The following DENND11 variants were observed in gnomAD, a reference collection of about 807,000 sequenced individuals.
DENND11 encodes the protein DENN domain containing 11, also known as DENN domain-containing protein 11.
In DENND11, 34 loss-of-function variants were observed where a neutral mutation model predicts 49.2. The ratio of observed to expected loss-of-function variants is 0.69; its 90% CI spans 0.53 to 0.92. DENND11 has a LOEUF of 0.92. Ranked by LOEUF, DENND11 falls within the 40% of genes least tolerant of loss-of-function variation. The pLI, the probability that DENND11 is intolerant of heterozygous loss-of-function variation, is 0.00. For synonymous variants in DENND11, 238 were observed against 230.3 expected (o/e 1.03, Z -0.30); for missense variants, 475 against 581.6 (o/e 0.82, Z 1.88).
intron 1 of DENND11, among the ~76,000 whole-genome samples, chr7:141,690,404 C>T (rs1038589300): frequency 2.0e-5 from 3 of 152,196 alleles, no homozygotes; most frequent in African/African-American, 7.2e-5. Flanking sequence ...TCCTCCTCCT[C>T]CTCTTGTTCA....
chr7:141,664,129 G>C (rs1797848112), intron 8 of DENND11, 43 bp downstream of exon 8: 1 of 1,473,986 alleles, frequency 6.8e-7, no homozygotes, highest in Non-Finnish European at 9.3e-7. Flanking sequence ...CAGTGCCGAA[G>C]GGATCCTCAG....
Position 141,658,767 on chromosome 7 carries a change from C to T in DENND11, c.*3889G>A, listed in dbSNP as rs1007643523. 2.0e-5 allele frequency: 3 copies of T among 152,174 alleles called. No individual in the cohort carries two copies. The highest frequency in any genetic ancestry group is 7.2e-5 in the African/African-American group (3 of 41,384). The allele number at this position is 152,174 out of a possible 1,614,324, so 9.4% of individuals were successfully genotyped here. ...TTTCGAAGGGAAATAAATGGTCCCT[C>T]GGGTTTCTGCCTTTTCTCGGAGGGT... On this transcript the variant is annotated 3_prime_UTR_variant, in exon 9 of 9. Coordinates refer to ENST00000536163, the MANE Select transcript of DENND11 (RefSeq NM_001080392.2).
rs954871173 is a variant in DENND11 at position 141,695,253 on chromosome 7, C to T, written c.268+6633G>A. 4.0e-5 allele frequency among the ~76,000 whole-genome samples: 6 copies of T among 151,872 alleles called. 1 individual carries two copies. The highest frequency in any genetic ancestry group is 4.1e-4 in the South Asian group (2 of 4,824). On this transcript the variant is annotated intron_variant, in intron 1 of 8. Coordinates refer to ENST00000536163, the MANE Select transcript of DENND11 (RefSeq NM_001080392.2). ...GCAAATGGGGCAAAATGTCAATAAA[C>T]GGGGACTCTAAGTGAAAGACATACA...
chr7:141,677,402 A>AATAC (rs1798076195), intron 3 of DENND11, among the ~76,000 whole-genome samples: 1 of 75,886 alleles, frequency 1.3e-5, no homozygotes, highest in African/African-American at 3.9e-5. Flanking sequence ...AAAAAAAAAA[A>AATAC]ATATATATAT....
intron 3 of DENND11, among the ~76,000 whole-genome samples, chr7:141,683,601 C>T (rs972937574): frequency 5.3e-5 from 8 of 152,204 alleles, no homozygotes; most frequent in Admixed American, 6.5e-5. Flanking sequence ...CAAGATCACA[C>T]CACTGCCCTC....
chr7:141,677,151 C>T (rs899535526), intron 3 of DENND11, among the ~76,000 whole-genome samples: 2 of 151,968 alleles, frequency 1.3e-5, no homozygotes, highest in African/African-American at 2.4e-5. Context: ...ACAGGCCGGG[C>T]GTGGTGGCTC....
chr7:141,675,754 A>T (rs1449548669), intron 3 of DENND11, among the ~76,000 whole-genome samples: 1 of 152,236 alleles, frequency 6.6e-6, no homozygotes, highest in Non-Finnish European at 1.5e-5. Flanking sequence ...CAAAGTGATG[A>T]CAAGAGACCT....
rs769237433 is a variant in DENND11 at position 141,662,612 on chromosome 7, G to A, written c.*44C>T. The A allele has an allele frequency of 4.1e-6, 6 of 1,451,914 alleles. No individual in the cohort carries two copies. The highest frequency in any genetic ancestry group is 5.5e-6 in the Non-Finnish European group (6 of 1,088,824). The allele number at this position is 1,451,914 out of a possible 1,614,324, so 89.9% of individuals were successfully genotyped here. On this transcript the variant is annotated 3_prime_UTR_variant, in exon 9 of 9. Transcript: ENST00000536163. ...GGGGCCCTGGGGTGAACTCCGGGCT[G>A]CTGACATCCCACGTGAAGTGGCTCC...
At chr7:141,675,309 C>T (rs1798047231) in intron 3 of DENND11, among the ~76,000 whole-genome samples, 1 of 152,190 alleles carries the variant, frequency 6.6e-6, no homozygotes. Context: ...AGAGGGAACT[C>T]ACACTGCTGA....
Position 141,679,528 on chromosome 7 carries a change from C to T in DENND11, c.528-5308G>A, listed in dbSNP as rs1009722677. 5.5e-4 allele frequency among the ~76,000 whole-genome samples: 84 copies of T among 151,758 alleles called. 1 individual carries two copies. The highest frequency in any genetic ancestry group is 2.0e-3 in the African/African-American group (83 of 41,336). ...GGGAGTTAGAGACCACTCTGACCAA[C>T]ATGGAGAAACCCCACCTCTACTAAA... is the stretch of plus-strand genomic sequence containing the variant. On this transcript the variant is annotated intron_variant, in intron 3 of 8. Transcript: ENST00000536163.
chr7:141,664,243 G>A lies in DENND11; in HGVS notation c.1104-3C>T, dbSNP rs773279674. On this transcript the variant is annotated splice_region_variant and splice_polypyrimidine_tract_variant and intron_variant, in intron 7 of 8. Transcript: ENST00000536163. ...CCTGGGAGTACAACAGCATCTGCCTGTTGGGAAGATCACCGTGAGACTCTG... is the reference window on the plus strand; with the variant it reads ...CCTGGGAGTACAACAGCATCTGCCTATTGGGAAGATCACCGTGAGACTCTG... 8 of 1,579,194 alleles carry A rather than the reference G, an allele frequency of 5.1e-6. No homozygotes were observed. In the South Asian group the frequency reaches 9.3e-5, roughly 18 times the overall value.
intron 4 of DENND11, among the ~76,000 whole-genome samples, chr7:141,669,073 T>G (rs1362501727): frequency 6.6e-6 from 1 of 151,316 alleles, no homozygotes; most frequent in East Asian, 1.9e-4. Context: ...CCAGCCCCCC[T>G]CCCCTGTATC....
chr7:141,664,266 CTGG>C (rs768769823), intron 7 of DENND11, 26 bp from the exon 8 acceptor site: 1 of 1,555,958 alleles, frequency 6.4e-7, no homozygotes, highest in African/African-American at 1.4e-5. Context: ...CCGTGAGACT[CTGG>C]TGCAGGTACC....
chr7:141,694,852 C>G (rs188365433), intron 1 of DENND11, among the ~76,000 whole-genome samples: 83 of 152,318 alleles, frequency 5.4e-4, no homozygotes, highest in Non-Finnish European at 9.8e-4. Context: ...CCTGCTACCT[C>G]AGGTCACCTC....
chr7:141,671,377 A>G (rs1797976954), intron 4 of DENND11, among the ~76,000 whole-genome samples: 1 of 152,152 alleles, frequency 6.6e-6, no homozygotes, highest in Non-Finnish European at 1.5e-5. Flanking sequence ...GGGTTTCACC[A>G]TGTTGGCCAG....
Position 141,665,073 on chromosome 7 carries a change from G to A in DENND11, c.953-19C>T. The stretch of plus-strand genomic sequence containing the variant: ...GTGGTGCCTGTGGAACCCGGGGTTA[G>A]AGAGGTGGGAACCCACCCGACCCCA... On this transcript the variant is annotated intron_variant, in intron 6 of 8. Coordinates refer to ENST00000536163, the MANE Select transcript of DENND11 (RefSeq NM_001080392.2). 2 of 1,612,986 alleles carry A rather than the reference G, an allele frequency of 1.2e-6. No homozygotes were observed. The highest frequency in any genetic ancestry group is 1.7e-4 in the Middle Eastern group (1 of 6,056).
chr7:141,677,561 A>T (rs570373649), intron 3 of DENND11, among the ~76,000 whole-genome samples: 84 of 149,108 alleles, frequency 5.6e-4, no homozygotes, highest in African/African-American at 2.0e-3. Flanking sequence ...ATCGTCTTCT[A>T]GCTCCTGGCT....
intron 1 of DENND11, among the ~76,000 whole-genome samples, chr7:141,691,423 G>A (rs189608875): frequency 6.6e-6 from 1 of 152,272 alleles, no homozygotes; most frequent in Non-Finnish European, 1.5e-5. Context: ...TAGTATTCAT[G>A]TCCAGCCTAT....
intron 3 of DENND11, among the ~76,000 whole-genome samples, chr7:141,675,843 A>T (rs1798054426): frequency 6.6e-6 from 1 of 151,914 alleles, no homozygotes; most frequent in Non-Finnish European, 1.5e-5. Context: ...GATGGATGAT[A>T]GCGCCAATTT....
Sources: allele counts gnomAD v4.1 joint callset (sites outside exome capture counted in the v4.1 genomes callset), GRCh38; gene constraint gnomAD v4.1.1; transcripts MANE v1.5; gene names NCBI Gene and HGNC (gene_info 2026-07-23, HGNC 2026-07-21).